The following CEP128 variants were observed in gnomAD, a reference collection of about 807,000 sequenced individuals.
The protein encoded by CEP128 is centrosomal protein 128kDa.
Under a neutral mutation model 156.7 loss-of-function variants are expected in CEP128, and 132 were observed. The ratio of observed to expected loss-of-function variants is 0.84; its 90% confidence interval spans 0.73 to 0.97. CEP128 has a LOEUF of 0.97. CEP128 is among the 50% of genes least tolerant of loss of function. CEP128 has a pLI of 0.00. For missense variants in CEP128, 1,252 were observed against 1,281.9 expected (o/e 0.98, Z 0.36); for synonymous variants, 469 against 448.9 (o/e 1.04, Z -0.57).
At chr14:80,845,236 C>A (rs1886540432) in intron 9 of CEP128, among the ~76,000 whole-genome samples, 2 of 152,246 alleles carry the variant, frequency 1.3e-5, no homozygotes, top group South Asian at 4.1e-4. Flanking sequence ...ACATACAAGT[C>A]TTTTAACTTC....
intron 19 of CEP128, among the ~76,000 whole-genome samples, chr14:80,653,303 T>C (rs1453602197): frequency 3.9e-5 from 6 of 152,068 alleles, no homozygotes; most frequent in Non-Finnish European, 8.8e-5. Context: ...CTGCACATTC[T>C]ACACATGCAC....
chr14:80,655,447 G>A (rs78783100), intron 19 of CEP128, among the ~76,000 whole-genome samples: 2 of 152,118 alleles, frequency 1.3e-5, no homozygotes, highest in Non-Finnish European at 2.9e-5. Flanking sequence ...CAATCATCTT[G>A]TGCCATTCTC....
At chr14:80,736,732 G>T (rs1898551750) in intron 19 of CEP128, among the ~76,000 whole-genome samples, 1 of 152,126 alleles carries the variant, frequency 6.6e-6, no homozygotes, top group Admixed American at 6.6e-5. Flanking sequence ...AAAAAGGGAG[G>T]GCTCAGAGAT....
At chr14:80,885,149 C>G (rs1406564909) in intron 8 of CEP128, among the ~76,000 whole-genome samples, 1 of 152,174 alleles carries the variant, frequency 6.6e-6, no homozygotes, top group Non-Finnish European at 1.5e-5. Context: ...GATAAAACTC[C>G]CATCTCCCTG....
chr14:80,599,440 T>A (rs531222634), intron 19 of CEP128, among the ~76,000 whole-genome samples: 23 of 151,444 alleles, frequency 1.5e-4, no homozygotes, highest in Admixed American at 1.4e-3. Context: ...GCCCGGCTAA[T>A]TTTTTTTGTA....
intron 20 of CEP128, among the ~76,000 whole-genome samples, chr14:80,566,165 A>T (rs993067345): frequency 6.6e-6 from 1 of 152,092 alleles, no homozygotes; most frequent in African/African-American, 2.4e-5. Flanking sequence ...AATCCACTCA[A>T]CTTCACCCAA....
intron 21 of CEP128, among the ~76,000 whole-genome samples, chr14:80,542,719 G>T (rs1261596374): frequency 6.6e-6 from 1 of 152,118 alleles, no homozygotes; most frequent in Admixed American, 6.6e-5. Context: ...TCATTTCCCT[G>T]AATCCTGCAA....
At chr14:80,705,481 G>T (rs1340800192) in intron 19 of CEP128, among the ~76,000 whole-genome samples, 1 of 152,088 alleles carries the variant, frequency 6.6e-6, no homozygotes, top group Non-Finnish European at 1.5e-5. Context: ...GAATGTGGTG[G>T]CTTTACAAAC....
chr14:80,500,805 A>G (rs1034465418), intron 24 of CEP128, among the ~76,000 whole-genome samples: 2 of 152,146 alleles, frequency 1.3e-5, no homozygotes, highest in Admixed American at 6.5e-5. Context: ...TACTCCCAAT[A>G]TAGTTACATA....
intron 19 of CEP128, among the ~76,000 whole-genome samples, chr14:80,662,687 C>A (rs1397279560): frequency 2.6e-5 from 4 of 152,096 alleles, no homozygotes; most frequent in African/African-American, 9.7e-5. Flanking sequence ...AGATGGCAGA[C>A]AATGGGATAA....
chr14:80,944,822 C>CAAAA (rs55662141), upstream of CEP128, among the ~76,000 whole-genome samples: 10 of 34,660 alleles, frequency 2.9e-4, 1 homozygote, highest in Non-Finnish European at 5.8e-4. Context: ...GAGTCTGTCT[C>CAAAA]AAAAAAAAAA....
intron 20 of CEP128, among the ~76,000 whole-genome samples, chr14:80,574,121 AC>A (rs1459847231): frequency 6.6e-6 from 1 of 152,154 alleles, no homozygotes; most frequent in African/African-American, 2.4e-5. Context: ...GTTTAATGAA[AC>A]CTTAAACAGT....
chr14:80,638,063 T>C (rs556257962), intron 19 of CEP128, among the ~76,000 whole-genome samples: 145 of 152,316 alleles, frequency 9.5e-4, no homozygotes, highest in Admixed American at 1.8e-3. Context: ...TTTAAGCCAA[T>C]ATGTTTTTGA....
intron 21 of CEP128, among the ~76,000 whole-genome samples, chr14:80,539,193 T>C (rs1000261702): frequency 6.6e-6 from 1 of 152,216 alleles, no homozygotes; most frequent in African/African-American, 2.4e-5. Flanking sequence ...AACATGTTCA[T>C]AAAATATGAT....
intron 6 of CEP128, among the ~76,000 whole-genome samples, chr14:80,902,752 A>G (rs1160185353): frequency 6.6e-6 from 1 of 152,222 alleles, no homozygotes; most frequent in East Asian, 1.9e-4. Context: ...AGAAAAAAAC[A>G]CTAATGGTAG....
At chr14:80,784,766 T>C (rs1016277933) in intron 15 of CEP128, 129 bp downstream of exon 15, 8 of 829,842 alleles carry the variant, frequency 9.6e-6, no homozygotes, top group Admixed American at 2.7e-5. Context: ...TAAGCCTCTT[T>C]ATTGTTGGTT....
intron 2 of CEP128, chr14:80,955,549 A>C: frequency 1.8e-6 from 2 of 1,081,860 alleles, no homozygotes; most frequent in Non-Finnish European, 2.8e-6. Context: ...GTGAGGTCAC[A>C]GCCCCTTGGA....
chr14:80,582,266 A>C (rs1454153836), intron 19 of CEP128, among the ~76,000 whole-genome samples: 4 of 152,214 alleles, frequency 2.6e-5, no homozygotes, highest in Non-Finnish European at 5.9e-5. Flanking sequence ...CAGAACCAGG[A>C]GCTAAATAAA....
chr14:80,904,932 C>T lies in CEP128; in HGVS notation c.362-1G>A. On this transcript the variant is annotated splice_acceptor_variant, in intron 5 of 24. Coordinates refer to ENST00000555265, the MANE Select transcript of CEP128 (RefSeq NM_152446.5). LOFTEE classifies it high-confidence loss of function. ...GAGGTAGGTGGAAAATGATGGAGCT[C>T]TTCACAAGTGAAAGAAAAGGGAAGG... 6.6e-7 allele frequency: 1 copy of T among 1,519,942 alleles called. No individual in the cohort carries two copies. Among genetic ancestry groups the T allele is most frequent in the Non-Finnish European group, 9.1e-7 (1 of 1,094,260 alleles). The allele number at this position is 1,519,942 out of a possible 1,614,324, so 94.2% of individuals were successfully genotyped here. A position where few individuals can be genotyped will look rare whatever the true frequency, so the allele number is the denominator to read the frequency against.
Sources: allele counts gnomAD v4.1 joint callset (sites outside exome capture counted in the v4.1 genomes callset), GRCh38; gene constraint gnomAD v4.1.1; transcripts MANE v1.5; gene names NCBI Gene and HGNC (gene_info 2026-07-23, HGNC 2026-07-21).